The following PUS7 variants were observed in gnomAD, a reference collection of about 807,000 sequenced individuals.
PUS7 encodes the protein pseudouridine synthase 7, also known as pseudouridylate synthase 7 homolog.
PUS7 carries 48 observed loss-of-function variants against 79.8 expected under a neutral mutation model. The ratio of observed to expected loss-of-function variants is 0.60; its 90% CI spans 0.48 to 0.76. The LOEUF (loss-of-function observed/expected upper bound fraction) is 0.76, where lower values mean the gene tolerates loss of function less well. Among genes scored for constraint, PUS7 ranks in the 30% least tolerant of loss-of-function variants. PUS7 has a pLI of 0.00. For synonymous variants in PUS7, 286 were observed against 272.2 expected (o/e 1.05, Z -0.50); for missense variants, 729 against 797.6 (o/e 0.91, Z 1.04).
chr7:105,493,415 G>A (rs755267307), intron 6 of PUS7, among the ~76,000 whole-genome samples: 1 of 152,186 alleles, frequency 6.6e-6, no homozygotes, highest in Non-Finnish European at 1.5e-5. Context: ...GTCAAGAATC[G>A]TCTGTTCTCT....
chr7:105,464,042 T>C (rs980125587), intron 13 of PUS7, among the ~76,000 whole-genome samples: 3 of 152,176 alleles, frequency 2.0e-5, no homozygotes, highest in African/African-American at 4.8e-5. Flanking sequence ...ATGTGTTACA[T>C]ACCCAGAAAC....
At chr7:105,463,866 AT>A (rs1823534310) in intron 13 of PUS7, among the ~76,000 whole-genome samples, 1 of 152,180 alleles carries the variant, frequency 6.6e-6, no homozygotes, top group Non-Finnish European at 1.5e-5. Flanking sequence ...TTAAATATGT[AT>A]TTTTCATATA....
chr7:105,475,972 G>A (rs187885298), intron 9 of PUS7, among the ~76,000 whole-genome samples: 57 of 151,996 alleles, frequency 3.8e-4, no homozygotes, highest in Admixed American at 3.3e-4. Flanking sequence ...GCTTATGTCA[G>A]GTAACATAAA....
intron 2 of PUS7, 131 bp downstream of exon 2, chr7:105,507,984 C>T: frequency 5.7e-6 from 7 of 1,238,746 alleles, no homozygotes; most frequent in Non-Finnish European, 7.5e-6. Context: ...TTCCTTCATC[C>T]TATTCCTTTT....
In PUS7 at chr7:105,462,416, G is replaced by T. The variant is rs1823468625; in HGVS notation, c.1757+205C>A. 8 of 516,552 alleles carry T rather than the reference G, an allele frequency of 1.5e-5. No homozygotes were observed. In the South Asian group the frequency reaches 1.8e-4, roughly 12 times the overall value. 32.0% of individuals were successfully genotyped at this position (516,552 alleles called of 1,614,324 possible). On this transcript the variant is annotated intron_variant, in intron 14 of 15. Transcript: ENST00000469408. The stretch of plus-strand genomic sequence containing the variant: ...TATTGTGCTCCAGCCTGGGTGACTA[G>T]TGAAACTCCGTCTCAAAAAAAAACC...
chr7:105,496,220 TATATATAGAGAGAGAG>T (rs1825020777), intron 5 of PUS7, among the ~76,000 whole-genome samples: 9 of 83,300 alleles, frequency 1.1e-4, no homozygotes, highest in African/African-American at 4.5e-4. Flanking sequence ...TATATATATA[TATATATAGAGAGAGAG>T]AGAGAGAGAG....
intron 9 of PUS7, among the ~76,000 whole-genome samples, chr7:105,478,837 G>A (rs1824205686): frequency 6.6e-6 from 1 of 152,172 alleles, no homozygotes. Context: ...GGAATTTTGA[G>A]CTGACCGTAC....
Position 105,475,333 on chromosome 7 carries a change from G to A in PUS7, c.1176-3140C>T, listed in dbSNP as rs10243673. ...CCCAAGTAGCTGGGACTACAGGCGC[G>A]CGCCACCACGCCTGGCTAATTTTTT... On this transcript the variant is annotated intron_variant, in intron 9 of 15. Coordinates refer to ENST00000469408, the MANE Select transcript of PUS7 (RefSeq NM_019042.5). Among the ~76,000 whole-genome samples the A allele has an allele frequency of 1.4e-3, 220 of 151,826 alleles. 1 individual carries two copies. The highest frequency in any genetic ancestry group is 4.7e-3 in the African/African-American group (193 of 41,340).
At position 105,483,802 on chromosome 7, in the gene PUS7, T is replaced by C. The variant is rs940214720; in HGVS notation, c.921-1362A>G. 2.6e-5 allele frequency among the ~76,000 whole-genome samples: 4 copies of C among 152,136 alleles called. No homozygotes were observed. The East Asian group carries it at 7.7e-4, about 29-fold the overall frequency. On this transcript the variant is annotated intron_variant, in intron 7 of 15. Transcript: ENST00000469408. ...TGAGCCAGTGCACCTGGCCATCTTT[T>C]TGTTTTTTAGGCTGCCAGGATCCAA... is the stretch of plus-strand genomic sequence containing the variant.
chr7:105,467,573 C>T (rs1238302837), intron 12 of PUS7, among the ~76,000 whole-genome samples: 1 of 150,890 alleles, frequency 6.6e-6, no homozygotes, highest in Non-Finnish European at 1.5e-5. Flanking sequence ...CAGGTGTGAG[C>T]CACTGCGCCC....
intron 1 of PUS7, among the ~76,000 whole-genome samples, chr7:105,520,014 C>A (rs1826042960): frequency 6.6e-6 from 1 of 152,180 alleles, no homozygotes; most frequent in Non-Finnish European, 1.5e-5. Context: ...ACATGCATGC[C>A]CCTGCCTCTA....
intron 7 of PUS7, among the ~76,000 whole-genome samples, chr7:105,487,978 G>T (rs1000923201): frequency 6.6e-6 from 1 of 152,134 alleles, no homozygotes; most frequent in African/African-American, 2.4e-5. Context: ...AAGTTCCCAC[G>T]GGAAAGGCCA....
chr7:105,504,499 A>G (rs6958132), intron 4 of PUS7, among the ~76,000 whole-genome samples: 28,369 of 152,182 alleles, frequency 0.19, 2,700 homozygotes, highest in African/African-American at 0.22. Context: ...AAGGAGAACG[A>G]CAGTTTGTGT....
At position 105,506,003 on chromosome 7, in the gene PUS7, C is replaced by T. The variant is rs778674035; in HGVS notation, c.537G>A (p.Leu179=). The change falls in exon 4 of 16, where the codon TTG becomes TTA. Residue 179 remains leucine, a synonymous_variant. Coordinates refer to ENST00000469408, the MANE Select transcript of PUS7 (RefSeq NM_019042.5). Reference sequence around the variant, plus strand: ...TATTTTTGAACAGCTGGAGCTCTTCCAATCGCTGCTTTTCTTCAGCTGTCA... The same window carrying T: ...TATTTTTGAACAGCTGGAGCTCTTCTAATCGCTGCTTTTCTTCAGCTGTCA... ...TVLTAEEKQR[L]EELQLFKNKE... 1.2e-6 allele frequency: 2 copies of T among 1,613,896 alleles called. No homozygotes were observed. The highest frequency in any genetic ancestry group is 1.7e-6 in the Non-Finnish European group (2 of 1,179,908).
intron 6 of PUS7, among the ~76,000 whole-genome samples, chr7:105,494,342 C>T (rs996674951): frequency 9.2e-5 from 14 of 151,654 alleles, no homozygotes; most frequent in Admixed American, 1.3e-4. Flanking sequence ...ACTATCCTCA[C>T]GGCCTGGCAC....
chr7:105,480,813 A>C (rs1265099203), intron 9 of PUS7, among the ~76,000 whole-genome samples: 1 of 151,930 alleles, frequency 6.6e-6, no homozygotes, highest in African/African-American at 2.4e-5. Flanking sequence ...TAAAAAAATA[A>C]AAATAGAACC....
intron 6 of PUS7, among the ~76,000 whole-genome samples, chr7:105,494,890 T>TGCCTGA (rs1432643146): frequency 2.0e-5 from 3 of 149,410 alleles, no homozygotes. Flanking sequence ...GTAGGAGGAA[T>TGCCTGA]GCCTGAGCCC....
At chr7:105,489,184 A>T (rs113669569) in intron 7 of PUS7, among the ~76,000 whole-genome samples, 136 of 151,528 alleles carry the variant, frequency 9.0e-4, no homozygotes, top group African/African-American at 3.0e-3. Flanking sequence ...AAAGAAAAGA[A>T]AAAGAAACAA....
chr7:105,469,993 T>C (rs1392187016), intron 11 of PUS7, among the ~76,000 whole-genome samples: 1 of 152,240 alleles, frequency 6.6e-6, no homozygotes, highest in Non-Finnish European at 1.5e-5. Flanking sequence ...AAGCCTGCCT[T>C]ACATCAATGG....
Sources: allele counts gnomAD v4.1 joint callset (sites outside exome capture counted in the v4.1 genomes callset), GRCh38; gene constraint gnomAD v4.1.1; transcripts MANE v1.5; gene names NCBI Gene and HGNC (gene_info 2026-07-23, HGNC 2026-07-21).